Variants in AGBL4 observed in about 807,000 individuals in gnomAD.
AGBL4 encodes the protein cytosolic carboxypeptidase 6.
Under a neutral mutation model 66.4 loss-of-function variants are expected in AGBL4, and 58 were observed. That is an observed-to-expected ratio of 0.87 (90% CI 0.71 to 1.09). The LOEUF (loss-of-function observed/expected upper bound fraction) is 1.09. Among genes scored for constraint, AGBL4 ranks in the 50% least tolerant of loss-of-function variants. The probability of loss-of-function intolerance (pLI) is 0.00; values close to 1 mark genes in which losing one functional copy is unlikely to be tolerated. For missense variants in AGBL4, 579 were observed against 631.0 expected, an observed-to-expected ratio of 0.92 and a Z score of 0.88; for synonymous variants, 234 against 222.9, an observed-to-expected ratio of 1.05 and a Z score of -0.44.
At chr1:48,878,190 C>G (rs1202907953) in intron 5 of AGBL4, among the ~76,000 whole-genome samples, 5 of 152,120 alleles carry the variant, frequency 3.3e-5, no homozygotes, top group African/African-American at 1.2e-4. Context: ...CTATCATACT[C>G]AAGTAAGTGT....
At chr1:49,394,830 T>C (rs888933352) in intron 3 of AGBL4, among the ~76,000 whole-genome samples, 7 of 152,180 alleles carry the variant, frequency 4.6e-5, no homozygotes, top group African/African-American at 1.7e-4. Flanking sequence ...CTGCAAACTC[T>C]GCTTTTCAAT....
intron 5 of AGBL4, among the ~76,000 whole-genome samples, chr1:48,907,676 A>G (rs1437152371): frequency 6.6e-6 from 1 of 152,190 alleles, no homozygotes; most frequent in Non-Finnish European, 1.5e-5. Context: ...GGTCAGCTCA[A>G]ATAACTTTTG....
chr1:49,932,246 G>C (rs1056107266), intron 1 of AGBL4, among the ~76,000 whole-genome samples: 1 of 152,092 alleles, frequency 6.6e-6, no homozygotes, highest in African/African-American at 2.4e-5. Context: ...AGGCAGTTCA[G>C]TCAAGAAAAT....
At chr1:49,102,017 G>A (rs1273947625) in intron 4 of AGBL4, among the ~76,000 whole-genome samples, 1 of 151,384 alleles carries the variant, frequency 6.6e-6, no homozygotes, top group African/African-American at 2.5e-5. Flanking sequence ...GATCAACTGA[G>A]AGAGGGAGAG....
Position 49,234,478 on chromosome 1 carries a change from G to A in AGBL4, c.377+11292C>T, listed in dbSNP as rs372714251. ...CATATTTCAGGCATAGGGAGAATAT[G>A]TGCAGTTTGAGGTATATAAAAGAGC... On this transcript the variant is annotated intron_variant, in intron 4 of 13. Coordinates refer to ENST00000371839, the MANE Select transcript of AGBL4 (RefSeq NM_032785.4). Among the ~76,000 whole-genome samples the A allele has an allele frequency of 1.3e-3, 199 of 152,324 alleles. 1 individual carries two copies. Among genetic ancestry groups the A allele is most frequent in the African/African-American group, 3.8e-3 (160 of 41,582 alleles).
chr1:48,880,869 T>TTTTAG (rs1486264057), intron 5 of AGBL4, among the ~76,000 whole-genome samples: 1 of 152,172 alleles, frequency 6.6e-6, no homozygotes, highest in East Asian at 1.9e-4. Context: ...ATTCTGTTAT[T>TTTTAG]TTTAGTTTAT....
At chr1:48,644,687 G>A (rs767786875) in intron 8 of AGBL4, among the ~76,000 whole-genome samples, 68 of 152,328 alleles carry the variant, frequency 4.5e-4, no homozygotes, top group South Asian at 2.5e-3. Context: ...GAACAGATGG[G>A]AGTGGATGCA....
chr1:49,363,085 A>G (rs1644175023), intron 3 of AGBL4, among the ~76,000 whole-genome samples: 1 of 152,192 alleles, frequency 6.6e-6, no homozygotes, highest in African/African-American at 2.4e-5. Context: ...TAGATGGTAT[A>G]TATGACCCAT....
chr1:48,678,226 A>C (rs1013403185), intron 6 of AGBL4, among the ~76,000 whole-genome samples: 12 of 151,378 alleles, frequency 7.9e-5, no homozygotes, highest in Non-Finnish European at 1.2e-4. Flanking sequence ...GCCCTCACCC[A>C]TCCCGCCGCC....
At chr1:49,370,128 A>G (rs1644312204) in intron 3 of AGBL4, among the ~76,000 whole-genome samples, 1 of 133,316 alleles carries the variant, frequency 7.5e-6, no homozygotes, top group African/African-American at 2.6e-5. Context: ...ATTATTTTAT[A>G]TTATAAATTA....
At chr1:49,434,123 T>A (rs2148660115) in intron 3 of AGBL4, among the ~76,000 whole-genome samples, 1 of 152,302 alleles carries the variant, frequency 6.6e-6, no homozygotes, top group African/African-American at 2.4e-5. Flanking sequence ...GAAACTTCCT[T>A]CTGACAGGAC....
intron 4 of AGBL4, among the ~76,000 whole-genome samples, chr1:49,205,744 G>A (rs1050920758): frequency 1.3e-5 from 2 of 152,080 alleles, no homozygotes; most frequent in Non-Finnish European, 2.9e-5. Flanking sequence ...TTATGTTTCT[G>A]AAATATCTGT....
intron 6 of AGBL4, among the ~76,000 whole-genome samples, chr1:48,811,992 G>T (rs72681080): frequency 0.07 from 10,601 of 152,188 alleles, 504 homozygotes; most frequent in East Asian, 0.17. Flanking sequence ...TGGAAGTTCA[G>T]GAAGAAAGGC....
At chr1:49,950,194 G>A (rs547099815) in intron 1 of AGBL4, among the ~76,000 whole-genome samples, 27 of 145,094 alleles carry the variant, frequency 1.9e-4, no homozygotes, top group African/African-American at 6.6e-4. Flanking sequence ...ATACACATAT[G>A]TATATATATA....
chr1:48,618,574 A>G (rs320028), intron 9 of AGBL4, among the ~76,000 whole-genome samples: 145,609 of 152,270 alleles, frequency 0.96, 69,698 homozygotes, highest in East Asian at 1. Flanking sequence ...ATAGGGCAAA[A>G]TGATCTCTGA....
intron 5 of AGBL4, among the ~76,000 whole-genome samples, chr1:48,945,751 G>T (rs566048687): frequency 1.3e-5 from 2 of 152,310 alleles, no homozygotes; most frequent in South Asian, 4.1e-4. Context: ...AAGAGGCAAT[G>T]TTAAGAGTCA....
intron 3 of AGBL4, among the ~76,000 whole-genome samples, chr1:49,517,537 A>G (rs1649930825): frequency 6.6e-6 from 1 of 151,984 alleles, no homozygotes; most frequent in African/African-American, 2.4e-5. Context: ...AGGGTCATTT[A>G]TTCAATAAAC....
chr1:49,052,008 G>C (rs888021434), intron 4 of AGBL4, among the ~76,000 whole-genome samples: 1 of 151,826 alleles, frequency 6.6e-6, no homozygotes, highest in Non-Finnish European at 1.5e-5. Context: ...GACATTGCTC[G>C]ATTCTTGAAT....
At chr1:48,991,755 A>G (rs1304476314) in intron 5 of AGBL4, among the ~76,000 whole-genome samples, 2 of 151,952 alleles carry the variant, frequency 1.3e-5, no homozygotes, top group Non-Finnish European at 2.9e-5. Context: ...TGCTTGATCA[A>G]TTCTGCTATT....
Sources: allele counts gnomAD v4.1 joint callset (sites outside exome capture counted in the v4.1 genomes callset), GRCh38; gene constraint gnomAD v4.1.1; transcripts MANE v1.5; gene names NCBI Gene and HGNC (gene_info 2026-07-23, HGNC 2026-07-21).